The following NPAS3 variants were observed in gnomAD, a reference collection of about 807,000 sequenced individuals.
NPAS3 encodes neuronal PAS domain-containing protein 3.
In NPAS3, 14 loss-of-function variants were observed where a neutral mutation model predicts 73.1. The observed-to-expected ratio is 0.19, with a 90% confidence interval of 0.13 to 0.30. The LOEUF is 0.30. NPAS3 is among the 10% of genes least tolerant of loss of function. The probability of loss-of-function intolerance (pLI) is 1.00; values close to 1 mark genes in which losing one functional copy is unlikely to be tolerated. For synonymous variants in NPAS3, 620 were observed against 541.5 expected (o/e 1.14, Z -2.01); for missense variants, 1,096 against 1,250.0 (o/e 0.88, Z 1.86).
chr14:33,170,197 C>T lies in NPAS3; in HGVS notation c.141-44985C>T, dbSNP rs111603682. 7.2e-5 allele frequency among the ~76,000 whole-genome samples: 11 copies of T among 152,176 alleles called. 1 individual carries two copies. The highest frequency in any genetic ancestry group is 6.2e-4 in the South Asian group (3 of 4,816). ...CAATAAAACGAATATCACAATGAAG[C>T]GAGTCATATTTTTGGTTTCCAAGTG... is the stretch of plus-strand genomic sequence containing the variant. On this transcript the variant is annotated intron_variant, in intron 2 of 11. Transcript: ENST00000356141.
chr14:33,035,192 A>G (rs553702069), intron 1 of NPAS3, among the ~76,000 whole-genome samples: 1 of 152,242 alleles, frequency 6.6e-6, no homozygotes, highest in Non-Finnish European at 1.5e-5. Flanking sequence ...TAATGCATAC[A>G]TAATATTCAC....
intron 3 of NPAS3, among the ~76,000 whole-genome samples, chr14:33,317,346 G>T (rs2043247929): frequency 6.6e-6 from 1 of 152,030 alleles, no homozygotes; most frequent in Non-Finnish European, 1.5e-5. Context: ...TATGAAGTAG[G>T]CATTCTTATT....
At chr14:33,276,869 T>C (rs988639794) in intron 3 of NPAS3, among the ~76,000 whole-genome samples, 2 of 152,152 alleles carry the variant, frequency 1.3e-5, no homozygotes, top group African/African-American at 4.8e-5. Flanking sequence ...AGAATTCTGC[T>C]TTCTGAGGGA....
intron 2 of NPAS3, among the ~76,000 whole-genome samples, chr14:33,206,643 C>T (rs1169059634): frequency 6.6e-6 from 1 of 152,148 alleles, no homozygotes; most frequent in Non-Finnish European, 1.5e-5. Flanking sequence ...GTTGAAAACA[C>T]TTGGACCTTG....
intron 1 of NPAS3, among the ~76,000 whole-genome samples, chr14:32,972,758 T>C (rs1036288942): frequency 6.6e-6 from 1 of 152,188 alleles, no homozygotes; most frequent in Non-Finnish European, 1.5e-5. Flanking sequence ...ATACATTTTG[T>C]TAGAAGAGTC....
At chr14:33,265,686 G>A (rs1296594099) in intron 3 of NPAS3, among the ~76,000 whole-genome samples, 1 of 152,128 alleles carries the variant, frequency 6.6e-6, no homozygotes, top group African/African-American at 2.4e-5. Flanking sequence ...AAGGTAAATT[G>A]TAGAGCCAGC....
At chr14:33,407,669 C>A (rs1007857350) in intron 4 of NPAS3, among the ~76,000 whole-genome samples, 1 of 151,988 alleles carries the variant, frequency 6.6e-6, no homozygotes, top group Non-Finnish European at 1.5e-5. Context: ...AATTTCGGTG[C>A]CTTTATTTTT....
At position 33,485,699 on chromosome 14, in the gene NPAS3, C is replaced by T. The variant is rs529438928; in HGVS notation, c.469-74422C>T. On this transcript the variant is annotated intron_variant, in intron 4 of 11. Coordinates refer to ENST00000356141, the Ensembl canonical transcript of NPAS3. ...GTTTTCTACGTACTATATATTTTGT[C>T]TCACAAAAATGGAAAACTACAGAAT... is the stretch of plus-strand genomic sequence containing the variant. Among the ~76,000 whole-genome samples the T allele has an allele frequency of 1.6e-4, 24 of 152,262 alleles. 1 individual carries two copies. In the East Asian group the frequency reaches 3.7e-3, roughly 23 times the overall value.
At chr14:33,196,024 G>C (rs1222983347) in intron 2 of NPAS3, among the ~76,000 whole-genome samples, 1 of 152,174 alleles carries the variant, frequency 6.6e-6, no homozygotes, top group Non-Finnish European at 1.5e-5. Flanking sequence ...AAATCCTTTT[G>C]TTTTAAGGTG....
chr14:33,095,741 T>G (rs893909972), intron 2 of NPAS3, among the ~76,000 whole-genome samples: 17 of 145,328 alleles, frequency 1.2e-4, no homozygotes, highest in African/African-American at 3.6e-4. Context: ...CGATCTGGAC[T>G]CACTGCAAGC....
chr14:33,180,259 T>C (rs1357820646), intron 2 of NPAS3, among the ~76,000 whole-genome samples: 1 of 152,108 alleles, frequency 6.6e-6, no homozygotes, highest in African/African-American at 2.4e-5. Flanking sequence ...TTATCGTATC[T>C]CCATTAAGAA....
At chr14:33,506,373 G>T (rs1024240099) in intron 4 of NPAS3, among the ~76,000 whole-genome samples, 2 of 151,996 alleles carry the variant, frequency 1.3e-5, no homozygotes, top group Non-Finnish European at 2.9e-5. Context: ...TCTGCAATTT[G>T]CAATGCTGCC....
intron 3 of NPAS3, among the ~76,000 whole-genome samples, chr14:33,347,982 C>T (rs1379638995): frequency 2.6e-5 from 4 of 151,976 alleles, no homozygotes; most frequent in Non-Finnish European, 5.9e-5. Context: ...GAAAGTGAGT[C>T]AGTAGGAGCC....
rs76391509 is a variant in NPAS3, at chr14:33,660,726, C to T, written c.559-15485C>T. Among the ~76,000 whole-genome samples, 6 of 152,238 alleles carry T rather than the reference C, an allele frequency of 3.9e-5. No homozygotes were observed. In the South Asian group the frequency reaches 8.3e-4, roughly 21 times the overall value. On this transcript the variant is annotated intron_variant, in intron 5 of 11. Transcript: ENST00000356141. ...AATTAACGTTTATCTTAAAATATCC[C>T]GGGTTCTTCTGCAGAATTCTTCCCC...
intron 2 of NPAS3, among the ~76,000 whole-genome samples, chr14:33,143,341 A>C (rs1444351047): frequency 1.3e-5 from 2 of 151,892 alleles, no homozygotes; most frequent in African/African-American, 4.8e-5. Context: ...AAAATACAAA[A>C]TTAGCCAGGC....
intron 3 of NPAS3, among the ~76,000 whole-genome samples, chr14:33,342,124 A>G (rs1185460082): frequency 6.6e-6 from 1 of 152,108 alleles, no homozygotes; most frequent in Non-Finnish European, 1.5e-5. Context: ...CAAATAAATT[A>G]TTTTTAAGGG....
At chr14:33,584,649 T>C (rs1175823522) in intron 5 of NPAS3, among the ~76,000 whole-genome samples, 1 of 152,168 alleles carries the variant, frequency 6.6e-6, no homozygotes, top group Non-Finnish European at 1.5e-5. Flanking sequence ...AACCTGTCCT[T>C]GGAGTACCCA....
intron 4 of NPAS3, among the ~76,000 whole-genome samples, chr14:33,487,486 A>G (rs2051667442): frequency 6.6e-6 from 1 of 152,190 alleles, no homozygotes; most frequent in African/African-American, 2.4e-5. Flanking sequence ...GGAGATTAGA[A>G]ATGAGATTTA....
At chr14:32,938,468 AGAGAGAGAGAGAGAAATT>A (rs1555372877), upstream of NPAS3, among the ~76,000 whole-genome samples, 3 of 124,982 alleles carry the variant, frequency 2.4e-5, no homozygotes, top group Admixed American at 8.0e-5. Flanking sequence ...AGAGAGAGAG[AGAGAGAGAGAGAGAAATT>A]GAGAGAGAGA....
Sources: gnomAD v4.1 joint callset for allele counts (sites outside exome capture counted in the v4.1 genomes callset) on GRCh38, gnomAD v4.1.1 for gene constraint, MANE v1.5 for transcripts, NCBI Gene and HGNC (gene_info 2026-07-23, HGNC 2026-07-21) for gene names.